Variants in NUP98 observed in about 807,000 individuals in gnomAD.
NUP98 encodes the protein nucleoporin 98 and 96 precursor.
Under a neutral mutation model 191.9 loss-of-function variants are expected in NUP98, and 26 were observed. That is an observed-to-expected ratio of 0.14 (90% confidence interval 0.10 to 0.19). The LOEUF is 0.19. Ranked by LOEUF, NUP98 falls within the 10% of genes least tolerant of loss-of-function variation. The pLI is 1.00. For missense variants in NUP98, 1,941 were observed against 2,178.8 expected, an observed-to-expected ratio of 0.89 and a Z score of 2.17; for synonymous variants, 808 against 778.4, an observed-to-expected ratio of 1.04 and a Z score of -0.63.
chr11:3,679,474 A>G, intron 31 of NUP98, 80 bp downstream of exon 31: 7 of 1,484,926 alleles, frequency 4.7e-6, no homozygotes, highest in Non-Finnish European at 6.6e-6. Flanking sequence ...TCAAGTGTAT[A>G]CTAAGGCCTT....
In NUP98 at chr11:3,685,095, A is replaced by G. The variant is rs116268693; in HGVS notation, c.4676+878T>C. On this transcript the variant is annotated intron_variant, in intron 29 of 32. Coordinates refer to ENST00000324932, the MANE Select transcript of NUP98 (RefSeq NM_016320.5). The stretch of plus-strand genomic sequence containing the variant: ...CTATCTCACAGGTCATAATGAACAT[A>G]AAACAGTTAATATATATGGTATACA... Among the ~76,000 whole-genome samples the G allele has an allele frequency of 7.7e-3, 1,169 of 152,338 alleles. 20 individuals are homozygous for G. Among genetic ancestry groups the G allele is most frequent in the Middle Eastern group, 0.027 (8 of 294 alleles).
chr11:3,797,283 C>G, intron 1 of NUP98, 117 bp downstream of exon 1: 1 of 397,352 alleles, frequency 2.5e-6, no homozygotes, highest in East Asian at 3.6e-5. Flanking sequence ...AGAAGGTGCG[C>G]GCAGCGGCGC....
At chr11:3,686,446 G>A (rs768450362) in intron 28 of NUP98, among the ~76,000 whole-genome samples, 1 of 152,182 alleles carries the variant, frequency 6.6e-6, no homozygotes, top group Non-Finnish European at 1.5e-5. Flanking sequence ...ATGGTTTGGC[G>A]TATGTATTTT....
rs1467069618 is a variant in NUP98, at chr11:3,700,854, G to A, written c.3513-15C>T. 1.9e-6 allele frequency: 3 copies of A among 1,571,168 alleles called. No homozygotes were observed. The highest frequency in any genetic ancestry group is 2.2e-5 in the East Asian group (1 of 44,616). ...ACTCAGTTAGGCTACAAGAGCAAAT[G>A]AGGAATAGAATAGAAAATGAACCTA... On this transcript the variant is annotated splice_polypyrimidine_tract_variant and intron_variant, in intron 23 of 32. Coordinates refer to ENST00000324932, the MANE Select transcript of NUP98 (RefSeq NM_016320.5).
chr11:3,763,540 C>A (rs1033187542), intron 8 of NUP98, among the ~76,000 whole-genome samples: 3 of 152,052 alleles, frequency 2.0e-5, no homozygotes, highest in Non-Finnish European at 4.4e-5. Context: ...GACCGAGGTA[C>A]GAGTGTTATG....
Position 3,774,427 on chromosome 11 carries a change from C to A in NUP98, c.496-688G>T, listed in dbSNP as rs139084734. On this transcript the variant is annotated intron_variant, in intron 5 of 32. Coordinates refer to ENST00000324932, the MANE Select transcript of NUP98 (RefSeq NM_016320.5). ...ACTCCATCTCAAAAAACAGCAACAACAAAAAAACAGAAACTGGCCAGGCGC... is the reference window on the plus strand; with the variant it reads ...ACTCCATCTCAAAAAACAGCAACAAAAAAAAAACAGAAACTGGCCAGGCGC... Among the ~76,000 whole-genome samples, 983 of 149,796 alleles carry A rather than the reference C, an allele frequency of 6.6e-3. 7 individuals carry two copies. The highest frequency in any genetic ancestry group is 0.025 in the Middle Eastern group (7 of 280).
At chr11:3,747,114 G>A (rs1053445030) in intron 11 of NUP98, among the ~76,000 whole-genome samples, 1 of 152,128 alleles carries the variant, frequency 6.6e-6, no homozygotes, top group African/African-American at 2.4e-5. Context: ...GTGATGTTGT[G>A]TGATACAATA....
At chr11:3,753,191 CA>C in intron 11 of NUP98, 124 bp downstream of exon 11, 1 of 791,688 alleles carries the variant, frequency 1.3e-6, no homozygotes, top group African/African-American at 1.7e-5. Context: ...CTTATAAACG[CA>C]ACTGGAAAAA....
At chr11:3,758,771 G>A (rs183023863) in intron 10 of NUP98, among the ~76,000 whole-genome samples, 18 of 151,838 alleles carry the variant, frequency 1.2e-4, no homozygotes, top group Non-Finnish European at 4.4e-5. Flanking sequence ...GGAGGGAGGG[G>A]AGAGAGACAG....
chr11:3,681,907 T>A (rs1319443155), intron 30 of NUP98, among the ~76,000 whole-genome samples: 1 of 152,148 alleles, frequency 6.6e-6, no homozygotes, highest in African/African-American at 2.4e-5. Context: ...CTTCTTTCAA[T>A]AGAAGGCAGT....
intron 18 of NUP98, among the ~76,000 whole-genome samples, chr11:3,718,429 T>C (rs1456309058): frequency 1.3e-5 from 2 of 151,638 alleles, no homozygotes; most frequent in Non-Finnish European, 2.9e-5. Flanking sequence ...CCAGCTACTC[T>C]GGAGGCTGAG....
chr11:3,789,506 T>C (rs1334928890), intron 1 of NUP98, among the ~76,000 whole-genome samples: 5 of 151,084 alleles, frequency 3.3e-5, no homozygotes, highest in South Asian at 2.1e-4. Flanking sequence ...TATTTCTTTT[T>C]TTTTTTTTTT....
At chr11:3,691,307 T>G (rs138451861) in intron 28 of NUP98, 40 bp downstream of exon 28, 2 of 1,612,928 alleles carry the variant, frequency 1.2e-6, no homozygotes, top group Admixed American at 1.7e-5. Context: ...CTGGGGCTCA[T>G]GGAGCACTCA....
intron 27 of NUP98, among the ~76,000 whole-genome samples, chr11:3,692,859 A>G (rs79829792): frequency 0.049 from 7,415 of 152,308 alleles, 386 homozygotes; most frequent in African/African-American, 0.13. Flanking sequence ...CTGATGGCAT[A>G]AAAGTAACAA....
chr11:3,755,283 CT>C (rs1322553684), intron 10 of NUP98, among the ~76,000 whole-genome samples: 3 of 147,648 alleles, frequency 2.0e-5, no homozygotes, highest in African/African-American at 7.5e-5. Context: ...TGTGAAACCT[CT>C]TCTCTACTAC....
At chr11:3,795,469 T>C (rs569416283) in intron 1 of NUP98, among the ~76,000 whole-genome samples, 252 of 152,094 alleles carry the variant, frequency 1.7e-3, no homozygotes, top group African/African-American at 5.3e-3. Flanking sequence ...CAAATAAATG[T>C]CAGGGACCAA....
chr11:3,763,993 T>C (rs759230198), intron 8 of NUP98, among the ~76,000 whole-genome samples: 15 of 152,376 alleles, frequency 9.8e-5, no homozygotes, highest in Middle Eastern at 3.4e-3. Context: ...TAAAGTTTTA[T>C]TGAGACACAA....
At chr11:3,729,543 C>CAAAAAA (rs36045405) in intron 14 of NUP98, among the ~76,000 whole-genome samples, 6 of 55,750 alleles carry the variant, frequency 1.1e-4, no homozygotes, top group African/African-American at 2.3e-4. Flanking sequence ...CCTGTATCTC[C>CAAAAAA]AAAAAAAAAA....
At position 3,683,391 on chromosome 11, in the gene NUP98, A is replaced by G. The variant is rs2078034343; in HGVS notation, c.4727T>C (p.Leu1576Ser). 3 of 1,614,178 alleles carry G rather than the reference A, an allele frequency of 1.9e-6. No individual in the cohort carries two copies. The highest frequency in any genetic ancestry group is 2.5e-6 in the Non-Finnish European group (3 of 1,180,034). Residue 1576 changes from leucine to serine, a missense_variant, in exon 30 of 33, where the codon TTG becomes TCG. Leu to Ser is a moderately radical substitution (Grantham distance 145, BLOSUM62 -2). Transcript: ENST00000324932. ...TTTAGCCCAAGATTCAGGGGTCTCCAACAGCTGGCAGTGCCGGGTAAGCAG... is the reference window on the plus strand; with the variant it reads ...TTTAGCCCAAGATTCAGGGGTCTCCGACAGCTGGCAGTGCCGGGTAAGCAG... ...RELLTRHCQLLETPESWAKET... is the reference protein window; with the variant it reads ...RELLTRHCQLSETPESWAKET...
Sources: gnomAD v4.1 joint callset for allele counts (sites outside exome capture counted in the v4.1 genomes callset) on GRCh38, gnomAD v4.1.1 for gene constraint, MANE v1.5 for transcripts, NCBI Gene and HGNC (gene_info 2026-07-23, HGNC 2026-07-21) for gene names.